The following LOC400499 variants were observed in gnomAD, a reference collection of about 807,000 sequenced individuals.
chr16:11,521,524 G>C, the LOC400499 span, among the ~76,000 whole-genome samples: 1 of 152,196 alleles, frequency 6.6e-6, no homozygotes, highest in Non-Finnish European at 1.5e-5. Context: ...TGCAAGGCTA[G>C]TGTCCACAGG....
chr16:11,427,627 G>A, the LOC400499 span, among the ~76,000 whole-genome samples: 6 of 151,650 alleles, frequency 4.0e-5, no homozygotes, highest in Non-Finnish European at 7.4e-5. Flanking sequence ...TAAAATTTTT[G>A]TAGCGACAGA....
chr16:11,512,338 C>T, the LOC400499 span, among the ~76,000 whole-genome samples: 2 of 149,788 alleles, frequency 1.3e-5, no homozygotes, highest in Admixed American at 1.3e-4. Flanking sequence ...GTGGCTCACG[C>T]CTGTAGTCCC....
the LOC400499 span, among the ~76,000 whole-genome samples, chr16:11,496,168 G>C: frequency 2.3e-4 from 35 of 151,804 alleles, no homozygotes; most frequent in African/African-American, 8.0e-4. Flanking sequence ...CTGAGATCAA[G>C]TGATTCTCCT....
chr16:11,407,891 G>A, the LOC400499 span, among the ~76,000 whole-genome samples: 1 of 151,326 alleles, frequency 6.6e-6, no homozygotes, highest in African/African-American at 2.4e-5. Context: ...CACTGCGGGG[G>A]AACTTATTAA....
At chr16:11,454,494 C>T in the LOC400499 span, among the ~76,000 whole-genome samples, 1 of 152,172 alleles carries the variant, frequency 6.6e-6, no homozygotes, top group Non-Finnish European at 1.5e-5. Context: ...GACACACACA[C>T]ACAGGGAGAA....
chr16:11,409,404 G>T, the LOC400499 span, among the ~76,000 whole-genome samples: 139 of 152,274 alleles, frequency 9.1e-4, no homozygotes, highest in African/African-American at 3.1e-3. Context: ...AAGTTTTATT[G>T]TAACAGCCAT....
chr16:11,424,160 G>C, the LOC400499 span: 1 of 399,494 alleles, frequency 2.5e-6, no homozygotes, highest in East Asian at 3.6e-5. Flanking sequence ...AGTGCTTGAG[G>C]CTGGGCATGG....
At chr16:11,502,782 T>C in the LOC400499 span, among the ~76,000 whole-genome samples, 3 of 151,634 alleles carry the variant, frequency 2.0e-5, no homozygotes, top group Non-Finnish European at 4.4e-5. Context: ...GTCTGGCTTA[T>C]TTTTTGTATT....
chr16:11,375,375 G>A, the LOC400499 span, among the ~76,000 whole-genome samples: 7 of 137,518 alleles, frequency 5.1e-5, no homozygotes, highest in South Asian at 4.5e-4. Context: ...GTGCAGTGGC[G>A]GGACCTCAGC....
the LOC400499 span, chr16:11,446,963 C>T: frequency 6.7e-7 from 1 of 1,500,512 alleles, no homozygotes; most frequent in African/African-American, 1.4e-5. Context: ...CTGGCAGTGC[C>T]AGGGGACAAT....
the LOC400499 span, among the ~76,000 whole-genome samples, chr16:11,511,002 CTTT>C: frequency 7.0e-6 from 1 of 143,872 alleles, no homozygotes; most frequent in African/African-American, 2.6e-5. Flanking sequence ...TGATGATTTT[CTTT>C]TTTTTTTTTT....
the LOC400499 span, among the ~76,000 whole-genome samples, chr16:11,512,369 C>A: frequency 6.6e-6 from 1 of 152,074 alleles, no homozygotes; most frequent in Admixed American, 6.6e-5. Context: ...GAGGCCGAGG[C>A]AGGCAGATCA....
At chr16:11,397,784 A>AT in the LOC400499 span, among the ~76,000 whole-genome samples, 98 of 8,934 alleles carry the variant, frequency 0.011, 1 homozygote, top group African/African-American at 0.02. Context: ...GGAGGGAGGG[A>AT]GGGAGGGAGG....
At chr16:11,441,225 C>T in the LOC400499 span, 24 of 396,950 alleles carry the variant, frequency 6.0e-5, no homozygotes, top group Non-Finnish European at 8.4e-5. Flanking sequence ...ACTTATAGGG[C>T]AGGAAGCGGG....
the LOC400499 span, chr16:11,475,834 C>A: frequency 1.6e-4 from 63 of 390,134 alleles, no homozygotes; most frequent in African/African-American, 1.2e-3. Context: ...CGGGGCCAGC[C>A]TTTGGGCAGT....
At chr16:11,422,742 A>C in the LOC400499 span, among the ~76,000 whole-genome samples, 4 of 152,152 alleles carry the variant, frequency 2.6e-5, no homozygotes, top group Non-Finnish European at 5.9e-5. Context: ...GACAGGACAA[A>C]GAGAAAGGCA....
the LOC400499 span, among the ~76,000 whole-genome samples, chr16:11,451,532 C>G: frequency 1.3e-5 from 2 of 151,258 alleles, no homozygotes; most frequent in Non-Finnish European, 2.9e-5. Flanking sequence ...GCCTGGGCAA[C>G]AGAGGGAGAC....
chr16:11,417,583 A>G, the LOC400499 span: 1 of 397,898 alleles, frequency 2.5e-6, no homozygotes, highest in African/African-American at 2.1e-5. Flanking sequence ...TGGCCCAGGC[A>G]TGGAGGAAGC....
chr16:11,444,882 G>C, the LOC400499 span, among the ~76,000 whole-genome samples: 3 of 152,010 alleles, frequency 2.0e-5, no homozygotes, highest in Non-Finnish European at 4.4e-5. Flanking sequence ...AGGAGCTCAA[G>C]ACCAGCCTGG....
Sources: gnomAD v4.1 joint callset for allele counts (sites outside exome capture counted in the v4.1 genomes callset) on GRCh38, gnomAD v4.1.1 for gene constraint, MANE v1.5 for transcripts.